AGBL2: variants seen among roughly 807,000 people sequenced by gnomAD.
AGBL2 encodes cytosolic carboxypeptidase 2.
Under a neutral mutation model 103.0 loss-of-function variants are expected in AGBL2, and 87 were observed. The observed-to-expected ratio is 0.84, with a 90% CI of 0.71 to 1.01. The LOEUF (loss-of-function observed/expected upper bound fraction) is 1.01. Ranked by LOEUF, AGBL2 falls within the 50% of genes least tolerant of loss-of-function variation. The pLI, the probability that AGBL2 is intolerant of heterozygous loss-of-function variation, is 0.00. For missense variants in AGBL2, 904 were observed against 1,023.5 expected (o/e 0.88, Z 1.59); for synonymous variants, 335 against 356.7 (o/e 0.94, Z 0.69).
intron 8 of AGBL2, among the ~76,000 whole-genome samples, chr11:47,698,966 CAAAA>C (rs5791781): frequency 2.0e-4 from 23 of 117,536 alleles, no homozygotes; most frequent in Admixed American, 3.4e-4. Flanking sequence ...GTAGGAATGG[CAAAA>C]AAAAAAAAAA....
At chr11:47,701,772 AGACCAGCCTGGCCTACATG>A (rs1178208865) in intron 7 of AGBL2, among the ~76,000 whole-genome samples, 1 of 152,026 alleles carries the variant, frequency 6.6e-6, no homozygotes, top group African/African-American at 2.4e-5. Flanking sequence ...CATGAGTTCG[AGACCAGCCTGGCCTACATG>A]GTGAAACCCC....
chr11:47,687,425 A>G (rs1487470959), intron 10 of AGBL2, among the ~76,000 whole-genome samples: 2 of 151,994 alleles, frequency 1.3e-5, no homozygotes, highest in African/African-American at 4.8e-5. Flanking sequence ...ATGATGGAAA[A>G]ACATTCCCGT....
At chr11:47,705,805 A>AT in intron 5 of AGBL2, 59 bp downstream of exon 5, 2 of 1,458,112 alleles carry the variant, frequency 1.4e-6, no homozygotes, top group Non-Finnish European at 1.9e-6. Context: ...ACAGCAGGTG[A>AT]TGAAGACATA....
chr11:47,672,321 C>CAT (rs2097359992), intron 14 of AGBL2, among the ~76,000 whole-genome samples: 1 of 148,076 alleles, frequency 6.8e-6, no homozygotes. Context: ...GCAGAGCACA[C>CAT]TTTTTTTTTT....
chr11:47,691,729 A>AAAAAAAAATATATAT, intron 9 of AGBL2, among the ~76,000 whole-genome samples: 2 of 4,856 alleles, frequency 4.1e-4, no homozygotes, highest in African/African-American at 7.2e-4. Context: ...AAAAAAAAAA[A>AAAAAAAAATATATAT]ATATATATAT....
intron 15 of AGBL2, 45 bp downstream of exon 15, chr11:47,668,796 T>A: frequency 1.4e-6 from 2 of 1,480,644 alleles, no homozygotes; most frequent in Non-Finnish European, 1.9e-6. Flanking sequence ...GTGTCATGAC[T>A]TTTTTTTAAG....
intron 7 of AGBL2, among the ~76,000 whole-genome samples, chr11:47,704,163 T>C (rs1293703820): frequency 2.0e-5 from 3 of 151,770 alleles, no homozygotes; most frequent in Non-Finnish European, 4.4e-5. Flanking sequence ...CACGTAGGAC[T>C]TAACATTCTC....
rs1351586815 is a variant in AGBL2 at position 47,690,785 on chromosome 11, GA to G, written c.921del (p.Arg308ValfsTer19). The G allele has an allele frequency of 5.6e-6, 9 of 1,613,794 alleles. No homozygotes were observed. The highest frequency in any genetic ancestry group is 7.6e-6 in the Non-Finnish European group (9 of 1,179,968). On this transcript the variant is annotated frameshift_variant, in exon 10 of 19. Transcript: ENST00000525123. LOFTEE classifies it high-confidence loss of function. The part of the protein sequence containing the change: ...YTNKHTQWFY[F>X]RVQNTRKDAT... ...GCATCTTTTCTGGTGTTCTGAACAC[GA>G]AAATAAAACCACTGAGTGTGTTTGT...
At position 47,704,703 on chromosome 11, in the gene AGBL2, A is replaced by T. The variant is rs2097511333; in HGVS notation, c.426T>A (p.His142Gln). 3 of 1,613,990 alleles carry T rather than the reference A, an allele frequency of 1.9e-6. No homozygotes were observed. The highest frequency in any genetic ancestry group is 2.5e-6 in the Non-Finnish European group (3 of 1,180,024). Residue 142 changes from histidine (H) to glutamine (Q), a missense_variant, in exon 7 of 19, where the codon CAT (histidine) becomes CAA (glutamine). Physicochemically the swap from His to Gln is conservative, Grantham distance 24. Coordinates refer to ENST00000525123, the MANE Select transcript of AGBL2 (RefSeq NM_024783.4). The part of the protein sequence containing the change: ...ITDSHMLSLP[H>Q]LRSRQLLYDE... Reference sequence around the variant, plus strand: ...CATAAAGAAGCTGTCTGCTCCTAAGATGTGGTAAACTCAGCATATGTGAAT... The same window carrying T: ...CATAAAGAAGCTGTCTGCTCCTAAGTTGTGGTAAACTCAGCATATGTGAAT...
intron 4 of AGBL2, 51 bp from the exon 5 acceptor site, chr11:47,705,968 T>C: frequency 6.7e-7 from 1 of 1,498,072 alleles, no homozygotes; most frequent in Non-Finnish European, 9.3e-7. Flanking sequence ...GTTGTCTTCT[T>C]TTCTTCTGTC....
Position 47,659,661 on chromosome 11 carries a change from A to T in AGBL2, c.*512T>A, listed in dbSNP as rs184070217. The T allele has an allele frequency of 1.1e-3, 167 of 152,418 alleles. 2 individuals carry two copies. The highest frequency in any genetic ancestry group is 3.9e-3 in the African/African-American group (161 of 41,582). 9.4% of individuals were successfully genotyped at this position (152,418 alleles called of 1,614,324 possible). On this transcript the variant is annotated 3_prime_UTR_variant, in exon 19 of 19. Coordinates refer to ENST00000525123, the MANE Select transcript of AGBL2 (RefSeq NM_024783.4). ...CCTCATTGAACATAAGGTACGCAAC[A>T]TTAAATTCTGGGTAATACATGCATT...
chr11:47,709,198 A>T (rs570432322), intron 4 of AGBL2, among the ~76,000 whole-genome samples: 2 of 152,184 alleles, frequency 1.3e-5, no homozygotes, highest in East Asian at 3.9e-4. Flanking sequence ...TAAAAAAGGG[A>T]CCTAATCAGA....
chr11:47,662,776 G>A (rs908582781), intron 18 of AGBL2, among the ~76,000 whole-genome samples: 3 of 152,184 alleles, frequency 2.0e-5, no homozygotes, highest in Non-Finnish European at 2.9e-5. Flanking sequence ...TTACAGGCAT[G>A]AGCCACTGTG....
intron 11 of AGBL2, among the ~76,000 whole-genome samples, chr11:47,682,861 A>G (rs2097406617): frequency 6.6e-6 from 1 of 152,120 alleles, no homozygotes; most frequent in Non-Finnish European, 1.5e-5. Flanking sequence ...GCCTCAGGGC[A>G]TTTCTGCTTC....
chr11:47,689,883 A>T (rs1346660806), intron 10 of AGBL2, among the ~76,000 whole-genome samples, 193 bp downstream of exon 10: 1 of 152,112 alleles, frequency 6.6e-6, no homozygotes, highest in Non-Finnish European at 1.5e-5. Context: ...TTTCAACCCA[A>T]AGACAAGACA....
chr11:47,689,118 A>G (rs923890986), intron 10 of AGBL2, among the ~76,000 whole-genome samples: 1 of 152,016 alleles, frequency 6.6e-6, no homozygotes, highest in Admixed American at 6.6e-5. Flanking sequence ...ATAGCCTTCA[A>G]TGCTTTTATA....
Position 47,690,071 on chromosome 11 carries a change from C to T in AGBL2, c.1631+5G>A. ...ACAGAAAGATCAACAGATAAAAAGT[C>T]TCACCTTTTGATCATGTTCCTGGTG... On this transcript the variant is annotated splice_donor_5th_base_variant and intron_variant, in intron 10 of 18. Coordinates refer to ENST00000525123, the MANE Select transcript of AGBL2 (RefSeq NM_024783.4). 6.3e-7 allele frequency: 1 copy of T among 1,595,570 alleles called. No individual in the cohort carries two copies. Among genetic ancestry groups the T allele is most frequent in the Non-Finnish European group, 8.5e-7 (1 of 1,172,710 alleles).
intron 8 of AGBL2, among the ~76,000 whole-genome samples, chr11:47,695,181 C>T (rs1175799373): frequency 3.4e-5 from 5 of 146,928 alleles, no homozygotes; most frequent in South Asian, 4.3e-4. Flanking sequence ...AAAACAAAAA[C>T]GCCACAACAA....
At chr11:47,693,559 A>C (rs1259380732) in intron 8 of AGBL2, among the ~76,000 whole-genome samples, 1 of 151,968 alleles carries the variant, frequency 6.6e-6, no homozygotes, top group Non-Finnish European at 1.5e-5. Context: ...TTGGACTCTC[A>C]GTTCTGTTTT....
Sources: gnomAD v4.1 joint callset for allele counts (sites outside exome capture counted in the v4.1 genomes callset) on GRCh38, gnomAD v4.1.1 for gene constraint, MANE v1.5 for transcripts, NCBI Gene and HGNC (gene_info 2026-07-23, HGNC 2026-07-21) for gene names.